RNF208: variants seen among roughly 807,000 people sequenced by gnomAD.
RNF208 encodes ring finger protein 208.
In RNF208, 7 loss-of-function variants were observed where a neutral mutation model predicts 15.2. That is an observed-to-expected ratio of 0.46 (90% confidence interval 0.26 to 0.86). RNF208 has a LOEUF of 0.86. Ranked by LOEUF, RNF208 falls within the 40% of genes least tolerant of loss-of-function variation. The pLI is 0.16. For synonymous variants in RNF208, 211 were observed against 163.2 expected, an observed-to-expected ratio of 1.29 and a Z score of -2.23; for missense variants, 342 against 364.1, an observed-to-expected ratio of 0.94 and a Z score of 0.49.
Position 137,220,948 on chromosome 9 carries a change from G to T in RNF208, c.265C>A (p.Pro89Thr). 1 of 1,548,984 alleles carries T rather than the reference G, an allele frequency of 6.5e-7. No homozygotes were observed. The highest frequency in any genetic ancestry group is 8.7e-7 in the Non-Finnish European group (1 of 1,145,000). ...CGCCGTGGCAGTGGCGGGGTATGGG[G>T]TGCCCCTTCCAAGGCAGGCATGTCC... is the stretch of plus-strand genomic sequence containing the variant. ...GGDMPALEGA[P>T]HTPPLPRRPR... Residue 89 changes from proline (P) to threonine (T), a missense_variant, in exon 2 of 2, where the codon CCC (proline) becomes ACC (threonine). Physicochemically the swap from Pro to Thr is conservative, Grantham distance 38 (BLOSUM62 -1). This residue lies in a region of RNF208 where 207 missense variants were observed against 193.7 expected (regional missense o/e 1.07). Coordinates refer to ENST00000391553, the MANE Select transcript of RNF208 (RefSeq NM_031297.7).
In RNF208 at chr9:137,220,389, G is replaced by A. The variant is rs747803610; in HGVS notation, c.*38C>T. On this transcript the variant is annotated 3_prime_UTR_variant, in exon 2 of 2. Transcript: ENST00000391553. The stretch of plus-strand genomic sequence containing the variant: ...GGCCGGGTCCCTGAAGAAGCAGCGA[G>A]CGAGGCTCAGCGGGCAGTGGCGGGC... 8 of 1,520,536 alleles carry A rather than the reference G, an allele frequency of 5.3e-6. No homozygotes were observed. Among genetic ancestry groups the A allele is most frequent in the East Asian group, 4.7e-5 (2 of 42,894 alleles). 94.2% of individuals were successfully genotyped at this position (1,520,536 alleles called of 1,614,324 possible).
chr9:137,223,380 G>T (rs150314870), upstream of RNF208, among the ~76,000 whole-genome samples: 1 of 152,156 alleles, frequency 6.6e-6, no homozygotes, highest in Non-Finnish European at 1.5e-5. Flanking sequence ...TCTGCTCACC[G>T]ACCCGGCGTG....
upstream of RNF208, among the ~76,000 whole-genome samples, chr9:137,222,798 G>A (rs1453128926): frequency 3.3e-5 from 5 of 152,270 alleles, no homozygotes; most frequent in Admixed American, 3.3e-4. Flanking sequence ...CCAGTGCGGG[G>A]TGGAGGCGGC....
upstream of RNF208, among the ~76,000 whole-genome samples, chr9:137,223,139 G>A (rs527569684): frequency 6.6e-6 from 1 of 152,392 alleles, no homozygotes; most frequent in Admixed American, 6.5e-5. Flanking sequence ...GGTGCCGCTG[G>A]TGCGGGAGCT....
upstream of RNF208, among the ~76,000 whole-genome samples, chr9:137,222,764 G>A (rs1335454784): frequency 6.6e-6 from 1 of 152,280 alleles, no homozygotes; most frequent in Admixed American, 6.5e-5. Flanking sequence ...TCCGGTGGGA[G>A]TGCGCGAAGG....
chr9:137,222,464 G>A (rs1028728076), upstream of RNF208, among the ~76,000 whole-genome samples: 5 of 151,880 alleles, frequency 3.3e-5, no homozygotes, highest in Admixed American at 2.6e-4. Flanking sequence ...TCAAGCCCCC[G>A]CCCCCCCAGA....
upstream of RNF208, among the ~76,000 whole-genome samples, chr9:137,222,941 G>A (rs1835895229): frequency 6.6e-6 from 1 of 152,230 alleles, no homozygotes; most frequent in South Asian, 2.1e-4. Flanking sequence ...CCTCGGGCTT[G>A]CTGGTCACCG....
Position 137,221,242 on chromosome 9 carries a change from G to C in RNF208, c.-30C>G, listed in dbSNP as rs758078592. The C allele has an allele frequency of 1.4e-6, 2 of 1,408,724 alleles. No individual in the cohort carries two copies. The highest frequency in any genetic ancestry group is 1.5e-5 in the South Asian group (1 of 67,672). The allele number at this position is 1,408,724 out of a possible 1,614,324, so 87.3% of individuals were successfully genotyped here. On this transcript the variant is annotated 5_prime_UTR_variant, in exon 2 of 2. Transcript: ENST00000391553. ...CTGTCTCCAGTCAGACTGGATGTTC[G>C]GGTGGGTGGGGGCGTTGTGTGGGGC...
chr9:137,220,817 A>G lies in RNF208; in HGVS notation c.396T>C (p.Ala132=). 6.2e-7 allele frequency: 1 copy of G among 1,608,106 alleles called. No homozygotes were observed. The highest frequency in any genetic ancestry group is 8.5e-7 in the Non-Finnish European group (1 of 1,177,610). The change falls in exon 2 of 2, where the codon GCT becomes GCC. Residue 132 remains alanine, a synonymous_variant. Transcript: ENST00000391553. ...VIRPGPSASA[A]SSAAAGEPLE... ...GGGGCTCGCCTGCCGCCGCCGAAGAAGCCGCCGAGGCCGAGGGGCCAGGCC... is the reference window on the plus strand; with the variant it reads ...GGGGCTCGCCTGCCGCCGCCGAAGAGGCCGCCGAGGCCGAGGGGCCAGGCC...
chr9:137,221,386 G>A lies in RNF208; in HGVS notation c.-174C>T. The stretch of plus-strand genomic sequence containing the variant: ...TGGGGGTGCAGGGCCCCCCCCAGTG[G>A]CCACAGTGGCTTCTCTGGTCCAGTC... On this transcript the variant is annotated 5_prime_UTR_variant, in exon 2 of 2. Coordinates refer to ENST00000391553, the MANE Select transcript of RNF208 (RefSeq NM_031297.7). 9.7e-6 allele frequency: 2 copies of A among 206,376 alleles called. No individual in the cohort carries two copies. Among genetic ancestry groups the A allele is most frequent in the Non-Finnish European group, 1.9e-5 (2 of 103,342 alleles). 12.8% of individuals were successfully genotyped at this position (206,376 alleles called of 1,614,324 possible). A position where few individuals can be genotyped will look rare whatever the true frequency, so the allele number is the denominator to read the frequency against.
At chr9:137,222,861 G>A (rs1835893974), upstream of RNF208, among the ~76,000 whole-genome samples, 13 of 152,368 alleles carry the variant, frequency 8.5e-5, 1 homozygote, top group South Asian at 2.7e-3. Context: ...CCAGCGCGCA[G>A]GCCCGGGCCT....
Position 137,221,106 on chromosome 9 carries a change from A to G in RNF208, c.107T>C (p.Val36Ala), listed in dbSNP as rs1481475495. The change falls in exon 2 of 2, where the codon GTC becomes GCC. Residue 36 changes from valine to alanine, a missense_variant. Coordinates refer to ENST00000391553, the MANE Select transcript of RNF208 (RefSeq NM_031297.7). ...VILKMEAMKIVHPEKFPELPA... is the reference protein window; with the variant it reads ...VILKMEAMKIAHPEKFPELPA... ...TAGCTCAGGGAACTTTTCAGGGTGG[A>G]CAATCTTCATGGCCTCCATCTTGAG... 3.7e-6 allele frequency: 6 copies of G among 1,605,520 alleles called. No individual in the cohort carries two copies. The highest frequency in any genetic ancestry group is 1.1e-5 in the South Asian group (1 of 89,912).
At position 137,221,042 on chromosome 9, in the gene RNF208, G is replaced by C; in HGVS notation, c.171C>G (p.Thr57=). ...APCFPPAPRP[T]PTLAPKRAWP... ...AGGCACGCTTGGGTGCCAGAGTTGGGGTGGGCCGGGGAGCAGGCGGGAAGC... is the reference window on the plus strand; with the variant it reads ...AGGCACGCTTGGGTGCCAGAGTTGGCGTGGGCCGGGGAGCAGGCGGGAAGC... The change falls in exon 2 of 2, where the codon ACC becomes ACG. Residue 57 remains threonine, a synonymous_variant. Transcript: ENST00000391553. 1 of 1,593,808 alleles carries C rather than the reference G, an allele frequency of 6.3e-7. No individual in the cohort carries two copies. Among genetic ancestry groups the C allele is most frequent in the Non-Finnish European group, 8.5e-7 (1 of 1,170,484 alleles).
Position 137,221,199 on chromosome 9 carries a change from G to A in RNF208, c.14C>T (p.Pro5Leu), listed in dbSNP as rs572743786. The change falls in exon 2 of 2, where the codon CCC (proline) becomes CTC (leucine). Residue 5 changes from proline (P) to leucine (L), a missense_variant. Coordinates refer to ENST00000391553, the MANE Select transcript of RNF208 (RefSeq NM_031297.7). MPSD[P>L]GPEAGSGWPG... ...CCAGCCACTGCCCGCCTCGGGCCCG[G>A]GGTCAGAGGGCATCCGGCTGTCTCC... 158 of 1,504,618 alleles carry A rather than the reference G, an allele frequency of 1.1e-4. 1 individual carries two copies. The East Asian group carries it at 2.0e-3, about 19-fold the overall frequency. The allele number at this position is 1,504,618 out of a possible 1,614,324, so 93.2% of individuals were successfully genotyped here. A position where few individuals can be genotyped will look rare whatever the true frequency, so the allele number is the denominator to read the frequency against.
rs775964054 is a variant in RNF208 at position 137,220,595 on chromosome 9, G to C, written c.618C>G (p.Val206=). 1.2e-6 allele frequency: 2 copies of C among 1,612,038 alleles called. No individual in the cohort carries two copies. Among genetic ancestry groups the C allele is most frequent in the Non-Finnish European group, 1.7e-6 (2 of 1,179,742 alleles). ...GCAGGCGGCTCAGGATGGACGTGTTGACAGCCAGCGCGGCCAGGCCGTAGT... is the reference window on the plus strand; with the variant it reads ...GCAGGCGGCTCAGGATGGACGTGTTCACAGCCAGCGCGGCCAGGCCGTAGT... The part of the protein sequence containing the change: ...FTDYGLAALA[V]NTSILSRLPP... The change falls in exon 2 of 2, where the codon GTC becomes GTG. Residue 206 remains valine (V), a synonymous_variant. Coordinates refer to ENST00000391553, the MANE Select transcript of RNF208 (RefSeq NM_031297.7).
Position 137,220,643 on chromosome 9 carries a change from G to A in RNF208, c.570C>T (p.Arg190=), listed in dbSNP as rs753794234. 2 of 1,612,628 alleles carry A rather than the reference G, an allele frequency of 1.2e-6. No homozygotes were observed. The highest frequency in any genetic ancestry group is 2.2e-5 in the South Asian group (2 of 91,078). The change falls in exon 2 of 2, where the codon CGC becomes CGT. Residue 190 remains arginine (R), a synonymous_variant. Transcript: ENST00000391553. ...KYKFISCPTC[R]RETVLFTDYG... Reference sequence around the variant, plus strand: ...AGTCGGTGAAGAGCACAGTCTCACGGCGGCAGGTGGGGCAGGAGATGAACT... The same window carrying A: ...AGTCGGTGAAGAGCACAGTCTCACGACGGCAGGTGGGGCAGGAGATGAACT...
upstream of RNF208, among the ~76,000 whole-genome samples, chr9:137,223,346 C>T (rs887537812): frequency 2.6e-5 from 4 of 152,208 alleles, no homozygotes; most frequent in Non-Finnish European, 5.9e-5. Context: ...TGGGGAGGGC[C>T]GGGAGCCCAG....
rs766147210 is a variant in RNF208 at position 137,221,040 on chromosome 9, G to A, written c.173C>T (p.Pro58Leu). 3 of 1,593,058 alleles carry A rather than the reference G, an allele frequency of 1.9e-6. No homozygotes were observed. The highest frequency in any genetic ancestry group is 2.6e-6 in the Non-Finnish European group (3 of 1,170,102). ...PCFPPAPRPT[P>L]TLAPKRAWPS... Reference sequence around the variant, plus strand: ...CCAGGCACGCTTGGGTGCCAGAGTTGGGGTGGGCCGGGGAGCAGGCGGGAA... The same window carrying A: ...CCAGGCACGCTTGGGTGCCAGAGTTAGGGTGGGCCGGGGAGCAGGCGGGAA... Residue 58 changes from proline to leucine, a missense_variant, in exon 2 of 2, where the codon CCA (proline) becomes CTA (leucine). Physicochemically the swap from Pro to Leu is moderately conservative, Grantham distance 98. Coordinates refer to ENST00000391553, the MANE Select transcript of RNF208 (RefSeq NM_031297.7).
In RNF208 at chr9:137,221,012, G is replaced by A. The variant is rs1041063137; in HGVS notation, c.201C>T (p.Pro67=). 4.4e-6 allele frequency: 7 copies of A among 1,580,666 alleles called. No individual in the cohort carries two copies. The highest frequency in any genetic ancestry group is 5.2e-6 in the Non-Finnish European group (6 of 1,162,288). ...GGTTGACAATGATCTCTGTGTCTGA[G>A]GGCCAGGCACGCTTGGGTGCCAGAG... ...TPTLAPKRAW[P]SDTEIIVNQA... The change falls in exon 2 of 2, where the codon CCC becomes CCT. Residue 67 remains proline, a synonymous_variant. Transcript: ENST00000391553.
Sources: allele counts gnomAD v4.1 joint callset (sites outside exome capture counted in the v4.1 genomes callset), GRCh38; gene constraint gnomAD v4.1.1; regional missense constraint gnomAD v4.1.1; transcripts MANE v1.5; gene names NCBI Gene and HGNC (gene_info 2026-07-23, HGNC 2026-07-21).